TRPM3: variants seen among roughly 807,000 people sequenced by gnomAD.
TRPM3 encodes the protein transient receptor potential cation channel subfamily M member 3.
A neutral mutation model predicts 181.2 loss-of-function variants in TRPM3; 77 were observed. That is an observed-to-expected ratio of 0.42 (90% CI 0.35 to 0.51). The LOEUF (loss-of-function observed/expected upper bound fraction) is 0.51, where lower values mean the gene tolerates loss of function less well. TRPM3 is among the 20% of genes least tolerant of loss of function. The probability of loss-of-function intolerance (pLI) is 0.01; values close to 1 mark genes in which losing one functional copy is unlikely to be tolerated. For missense variants in TRPM3, 1,759 were observed against 2,196.7 expected, an observed-to-expected ratio of 0.80 and a Z score of 3.98; for synonymous variants, 745 against 796.4, an observed-to-expected ratio of 0.94 and a Z score of 1.09.
chr9:71,331,772 G>A (rs1050272572), intron 1 of TRPM3, among the ~76,000 whole-genome samples: 3 of 94,956 alleles, frequency 3.2e-5, no homozygotes, highest in Admixed American at 1.1e-4. Flanking sequence ...AAAGGAGAAG[G>A]GGAAGAGGAG....
intron 1 of TRPM3, among the ~76,000 whole-genome samples, chr9:71,302,318 T>C (rs2086855340): frequency 6.6e-6 from 1 of 152,198 alleles, no homozygotes; most frequent in Admixed American, 6.5e-5. Flanking sequence ...TACTATTTTA[T>C]GACCAGATTG....
chr9:70,936,907 G>GACCATACAAAAA (rs373845161), intron 1 of TRPM3, among the ~76,000 whole-genome samples: 4 of 152,186 alleles, frequency 2.6e-5, no homozygotes, highest in Admixed American at 2.6e-4. Context: ...TAGCTCCAAA[G>GACCATACAAAAA]ACCATACAAA....
intron 1 of TRPM3, among the ~76,000 whole-genome samples, chr9:71,190,382 T>C (rs553360061): frequency 1.1e-4 from 17 of 152,062 alleles, no homozygotes; most frequent in South Asian, 2.1e-4. Context: ...GCCTTTTTTA[T>C]ATCAATTAAA....
chr9:71,145,193 C>G (rs1050290717), intron 1 of TRPM3, among the ~76,000 whole-genome samples: 1 of 152,012 alleles, frequency 6.6e-6, no homozygotes, highest in African/African-American at 2.4e-5. Flanking sequence ...GCCCTTTAGT[C>G]TATTGTGAAG....
intron 5 of TRPM3, among the ~76,000 whole-genome samples, chr9:70,842,136 C>T (rs999308373): frequency 1.3e-5 from 2 of 152,022 alleles, no homozygotes; most frequent in African/African-American, 2.4e-5. Context: ...TTGAAACATA[C>T]ATTTTATTTA....
intron 1 of TRPM3, among the ~76,000 whole-genome samples, chr9:70,867,713 G>A (rs2132504042): frequency 6.6e-6 from 1 of 152,184 alleles, no homozygotes; most frequent in African/African-American, 2.4e-5. Context: ...TATAACACAT[G>A]AATTAGGAAT....
At chr9:71,196,500 T>C (rs2078373990) in intron 1 of TRPM3, among the ~76,000 whole-genome samples, 1 of 151,896 alleles carries the variant, frequency 6.6e-6, no homozygotes, top group Non-Finnish European at 1.5e-5. Flanking sequence ...TGGAATCTAA[T>C]ACCTGCATTT....
At position 70,879,734 on chromosome 9, in the gene TRPM3, T is replaced by C. The variant is rs114562396; in HGVS notation, c.178-15223A>G. On this transcript the variant is annotated intron_variant, in intron 1 of 25. Transcript: ENST00000677713. ...GAACATTCTTTCAGATGTGAATTAA[T>C]GGAACACCTTGCTCTTTTATTTTCC... Among the ~76,000 whole-genome samples, 697 of 152,304 alleles carry C rather than the reference T, an allele frequency of 4.6e-3. 4 individuals carry two copies. Among genetic ancestry groups the C allele is most frequent in the African/African-American group, 0.016 (666 of 41,580 alleles).
At chr9:71,393,688 C>G (rs569890753) in intron 1 of TRPM3, among the ~76,000 whole-genome samples, 1 of 152,148 alleles carries the variant, frequency 6.6e-6, no homozygotes, top group Non-Finnish European at 1.5e-5. Context: ...CAACCGCACA[C>G]AGCCAATTTC....
At position 70,868,893 on chromosome 9, in the gene TRPM3, C is replaced by T. The variant is rs535935269; in HGVS notation, c.178-4382G>A. The T allele has an allele frequency of 4.1e-4, 291 of 712,754 alleles. 1 individual carries two copies. In the African/African-American group the frequency reaches 4.7e-3, roughly 12 times the overall value. The allele number at this position is 712,754 out of a possible 1,614,324, so 44.2% of individuals were successfully genotyped here. On this transcript the variant is annotated intron_variant, in intron 1 of 25. Coordinates refer to ENST00000677713, the MANE Select transcript of TRPM3 (RefSeq NM_001366145.2). ...GTTCGTTTTGCCCTTTCCCTCCAAGCCTCCCTCGGTGTTGATCTTTGGTCT... is the reference window on the plus strand; with the variant it reads ...GTTCGTTTTGCCCTTTCCCTCCAAGTCTCCCTCGGTGTTGATCTTTGGTCT...
At chr9:70,842,426 A>C (rs997687198) in intron 5 of TRPM3, among the ~76,000 whole-genome samples, 4 of 152,194 alleles carry the variant, frequency 2.6e-5, no homozygotes, top group Non-Finnish European at 4.4e-5. Flanking sequence ...TTGGATTAAA[A>C]TAAGATGGTT....
At chr9:70,687,767 G>A (rs1174861511) in intron 8 of TRPM3, among the ~76,000 whole-genome samples, 1 of 152,128 alleles carries the variant, frequency 6.6e-6, no homozygotes, top group African/African-American at 2.4e-5. Context: ...CCCCTTAAAA[G>A]TCAGAAATCT....
At chr9:71,410,702 C>T (rs980233661) in intron 1 of TRPM3, among the ~76,000 whole-genome samples, 1 of 152,162 alleles carries the variant, frequency 6.6e-6, no homozygotes, top group African/African-American at 2.4e-5. Flanking sequence ...GCTACCATTC[C>T]TTCTGAAACT....
chr9:71,172,811 G>C (rs1273229327), intron 1 of TRPM3, among the ~76,000 whole-genome samples: 2 of 152,200 alleles, frequency 1.3e-5, no homozygotes, highest in Non-Finnish European at 2.9e-5. Flanking sequence ...AAGTGAATCA[G>C]AGTGGAGTGG....
At chr9:71,417,272 G>T (rs1359410898) in intron 1 of TRPM3, among the ~76,000 whole-genome samples, 1 of 151,954 alleles carries the variant, frequency 6.6e-6, no homozygotes, top group Non-Finnish European at 1.5e-5. Flanking sequence ...ACACATGTGA[G>T]TTTCAATTGT....
intron 1 of TRPM3, among the ~76,000 whole-genome samples, chr9:70,876,389 T>C (rs2095869992): frequency 6.6e-6 from 1 of 151,092 alleles, no homozygotes; most frequent in African/African-American, 2.4e-5. Context: ...CAAATGTAGG[T>C]ATAAAGAATT....
intron 8 of TRPM3, among the ~76,000 whole-genome samples, chr9:70,751,180 C>A (rs886087122): frequency 4.6e-5 from 7 of 151,818 alleles, no homozygotes; most frequent in Non-Finnish European, 8.8e-5. Context: ...TTAAGAAACT[C>A]ATCTAACATA....
intron 1 of TRPM3, among the ~76,000 whole-genome samples, chr9:71,208,849 G>C (rs1265109970): frequency 6.6e-6 from 1 of 152,084 alleles, no homozygotes; most frequent in East Asian, 1.9e-4. Context: ...TAAACATAAA[G>C]GTAACCCTCT....
rs1245137921 is a variant in TRPM3, at chr9:70,968,994, A to G, written c.178-104483T>C. On this transcript the variant is annotated intron_variant, in intron 1 of 25. Coordinates refer to ENST00000677713, the MANE Select transcript of TRPM3 (RefSeq NM_001366145.2). ...AAAACACTAAGAGCAATGGCAACAA[A>G]AGCCAAAATTGACAAATAGGATCTA... Among the ~76,000 whole-genome samples, 2 of 152,190 alleles carry G rather than the reference A, an allele frequency of 1.3e-5. 1 individual carries two copies.
Sources: gnomAD v4.1 joint callset for allele counts (sites outside exome capture counted in the v4.1 genomes callset) on GRCh38, gnomAD v4.1.1 for gene constraint, MANE v1.5 for transcripts, NCBI Gene and HGNC (gene_info 2026-07-23, HGNC 2026-07-21) for gene names.